EYS: variants seen among roughly 807,000 people sequenced by gnomAD.
The protein encoded by EYS is protein eyes shut homolog.
EYS carries 250 observed loss-of-function variants against 282.1 expected under a neutral mutation model. The ratio of observed to expected loss-of-function variants is 0.89; its 90% CI spans 0.80 to 0.98. The LOEUF (loss-of-function observed/expected upper bound fraction) is 0.98. Ranked by LOEUF, EYS falls within the 50% of genes least tolerant of loss-of-function variation. The pLI is 0.00. For synonymous variants in EYS, 1,355 were observed against 1,282.9 expected (o/e 1.06, Z -1.20); for missense variants, 4,016 against 3,709.0 (o/e 1.08, Z -2.15).
intron 11 of EYS, among the ~76,000 whole-genome samples, chr6:65,314,118 T>A (rs1769234389): frequency 7.2e-6 from 1 of 138,326 alleles, no homozygotes; most frequent in Admixed American, 7.0e-5. Flanking sequence ...TCTATCTGTG[T>A]GTGTGTGTGT....
intron 19 of EYS, among the ~76,000 whole-genome samples, chr6:64,859,008 A>G (rs1766153852): frequency 6.6e-6 from 1 of 151,944 alleles, no homozygotes; most frequent in African/African-American, 2.4e-5. Flanking sequence ...AAAGAAATGA[A>G]AAGTATTCTA....
intron 31 of EYS, among the ~76,000 whole-genome samples, chr6:64,120,877 T>C (rs1773563177): frequency 1.3e-5 from 2 of 152,238 alleles, no homozygotes; most frequent in South Asian, 2.1e-4. Flanking sequence ...TAGGTTTCAC[T>C]GGGATGAAAT....
At chr6:65,424,666 T>G (rs978878850) in intron 5 of EYS, among the ~76,000 whole-genome samples, 5 of 152,060 alleles carry the variant, frequency 3.3e-5, no homozygotes, top group Admixed American at 6.6e-5. Context: ...TATAAATGCT[T>G]TGGTATTTTG....
intron 5 of EYS, among the ~76,000 whole-genome samples, chr6:65,469,722 T>C (rs893917962): frequency 6.6e-6 from 1 of 152,050 alleles, no homozygotes; most frequent in Non-Finnish European, 1.5e-5. Flanking sequence ...TTTTTTTAAG[T>C]CACAAAAAGC....
chr6:64,157,904 G>A (rs1045888097), intron 31 of EYS, among the ~76,000 whole-genome samples: 7 of 152,178 alleles, frequency 4.6e-5, no homozygotes, highest in Non-Finnish European at 8.8e-5. Context: ...ACCACCTTAT[G>A]GACCTGTGAG....
chr6:64,301,790 CG>C (rs1398177268), intron 30 of EYS, among the ~76,000 whole-genome samples: 5 of 152,168 alleles, frequency 3.3e-5, no homozygotes, highest in Non-Finnish European at 7.3e-5. Context: ...CCATACCTAA[CG>C]CTTTAACACT....
intron 12 of EYS, among the ~76,000 whole-genome samples, chr6:65,074,715 G>C (rs1438256630): frequency 6.6e-6 from 1 of 151,980 alleles, no homozygotes; most frequent in African/African-American, 2.4e-5. Context: ...AGGCTGCTTT[G>C]TGGGGCCAAG....
At chr6:65,207,840 T>G (rs1217563192) in intron 12 of EYS, among the ~76,000 whole-genome samples, 2 of 151,698 alleles carry the variant, frequency 1.3e-5, no homozygotes, top group African/African-American at 4.8e-5. Flanking sequence ...ACAATGAAAC[T>G]GGACTATCAC....
At chr6:65,626,182 A>G (rs1191604172) in intron 2 of EYS, among the ~76,000 whole-genome samples, 1 of 152,172 alleles carries the variant, frequency 6.6e-6, no homozygotes, top group Non-Finnish European at 1.5e-5. Context: ...TAGTCAGACT[A>G]TTCAGTCCTG....
intron 4 of EYS, among the ~76,000 whole-genome samples, chr6:65,493,207 C>T (rs1333658653): frequency 1.3e-5 from 2 of 152,098 alleles, no homozygotes; most frequent in African/African-American, 2.4e-5. Context: ...GAGCCGCCTC[C>T]AAGTCGGCTC....
intron 30 of EYS, among the ~76,000 whole-genome samples, chr6:64,251,218 A>T (rs1050126731): frequency 6.6e-6 from 1 of 152,318 alleles, no homozygotes; most frequent in East Asian, 1.9e-4. Context: ...ACCTTAAAAT[A>T]GTCTTTACAG....
chr6:65,133,950 A>G (rs577161242), intron 12 of EYS, among the ~76,000 whole-genome samples: 25 of 151,942 alleles, frequency 1.6e-4, no homozygotes, highest in Admixed American at 1.4e-3. Flanking sequence ...AATGGTTGGA[A>G]AAGTTTGAAT....
chr6:65,116,368 G>GCATGATT (rs1288360388), intron 12 of EYS, among the ~76,000 whole-genome samples: 4 of 152,138 alleles, frequency 2.6e-5, no homozygotes, highest in African/African-American at 9.7e-5. Flanking sequence ...AGGCATGGAT[G>GCATGATT]CATGATTCAT....
At chr6:64,705,912 C>T (rs1004191997) in intron 22 of EYS, among the ~76,000 whole-genome samples, 19 of 150,054 alleles carry the variant, frequency 1.3e-4, no homozygotes, top group Non-Finnish European at 2.1e-4. Context: ...GTGCAGCGCA[C>T]CAGCATGGCA....
chr6:65,339,676 G>A (rs1270897488), intron 10 of EYS, among the ~76,000 whole-genome samples: 1 of 151,112 alleles, frequency 6.6e-6, no homozygotes, highest in Non-Finnish European at 1.5e-5. Flanking sequence ...CTGGAGAAGA[G>A]TTTGATCAAT....
At chr6:64,955,743 C>T (rs1039066094) in intron 14 of EYS, among the ~76,000 whole-genome samples, 1 of 152,164 alleles carries the variant, frequency 6.6e-6, no homozygotes, top group Non-Finnish European at 1.5e-5. Flanking sequence ...GATGCAACGT[C>T]CCCGGGGGAG....
At chr6:64,122,017 T>A (rs1312041319) in intron 31 of EYS, among the ~76,000 whole-genome samples, 1 of 152,208 alleles carries the variant, frequency 6.6e-6, no homozygotes, top group African/African-American at 2.4e-5. Context: ...TTATATTTAG[T>A]AATGATAATG....
chr6:64,567,234 A>G (rs904020707), intron 26 of EYS, among the ~76,000 whole-genome samples: 3 of 152,244 alleles, frequency 2.0e-5, no homozygotes, highest in African/African-American at 7.2e-5. Flanking sequence ...GAGTGAGAGT[A>G]TACATCAAAA....
intron 1 of EYS, among the ~76,000 whole-genome samples, chr6:65,645,639 T>C (rs1767424573): frequency 6.6e-6 from 1 of 151,554 alleles, no homozygotes; most frequent in Admixed American, 6.6e-5. Flanking sequence ...ACAAGAACCA[T>C]ACAAACTCAA....
Sources: gnomAD v4.1 joint callset for allele counts (sites outside exome capture counted in the v4.1 genomes callset) on GRCh38, gnomAD v4.1.1 for gene constraint, MANE v1.5 for transcripts, NCBI Gene and HGNC (gene_info 2026-07-23, HGNC 2026-07-21) for gene names.